NOTO: variants seen among roughly 807,000 people sequenced by gnomAD.
NOTO encodes the protein notochord homeobox.
NOTO carries 19 observed loss-of-function variants against 20.5 expected under a neutral mutation model. That is an observed-to-expected ratio of 0.93 (90% CI 0.65 to 1.36). NOTO has a LOEUF of 1.36. Among genes scored for constraint, NOTO ranks in the 40% most tolerant of loss-of-function variants. The pLI, the probability that NOTO is intolerant of heterozygous loss-of-function variation, is 0.00. For missense variants in NOTO, 369 were observed against 336.2 expected, an observed-to-expected ratio of 1.10 and a Z score of -0.76; for synonymous variants, 150 against 150.2, an observed-to-expected ratio of 1.00 and a Z score of 0.01.
At chr2:73,204,976 G>T (rs1204155007) in intron 1 of NOTO, among the ~76,000 whole-genome samples, 7 of 149,374 alleles carry the variant, frequency 4.7e-5, no homozygotes, top group Admixed American at 1.4e-4. Context: ...CGCCTCCCGG[G>T]TTCACGCCAT....
rs1289518841 is a variant in NOTO, at chr2:73,211,745, G to C, written c.*816G>C. 6.6e-6 allele frequency: 1 copy of C among 152,320 alleles called. No homozygotes were observed. Among genetic ancestry groups the C allele is most frequent in the Non-Finnish European group, 1.5e-5 (1 of 68,132 alleles). The allele number at this position is 152,320 out of a possible 1,614,324, so 9.4% of individuals were successfully genotyped here. On this transcript the variant is annotated 3_prime_UTR_variant, in exon 3 of 3. Coordinates refer to ENST00000398468, the MANE Select transcript of NOTO (RefSeq NM_001134462.2). The stretch of plus-strand genomic sequence containing the variant: ...GCCTCCCAAAGTGCTGGGATTACAT[G>C]TGTGAGCCACCACCCGGCCCAACCC...
Position 73,208,392 on chromosome 2 carries a change from C to G in NOTO, c.383-8C>G. 2 of 1,547,602 alleles carry G rather than the reference C, an allele frequency of 1.3e-6. No homozygotes were observed. The highest frequency in any genetic ancestry group is 1.7e-6 in the Non-Finnish European group (2 of 1,143,618). On this transcript the variant is annotated splice_region_variant and splice_polypyrimidine_tract_variant and intron_variant, in intron 1 of 2. Transcript: ENST00000398468. ...GGATAACCTCCCCTGCTGCTGGTTG[C>G]TCTTTAGGGTTGGAGCTGGCTCACT... is the stretch of plus-strand genomic sequence containing the variant.
intron 1 of NOTO, among the ~76,000 whole-genome samples, chr2:73,204,161 C>G (rs1002288778): frequency 6.6e-6 from 1 of 151,140 alleles, no homozygotes; most frequent in African/African-American, 2.4e-5. Flanking sequence ...GCTTGTAATC[C>G]CAGCTACTCA....
intron 2 of NOTO, among the ~76,000 whole-genome samples, chr2:73,210,177 T>C (rs780458633): frequency 1.1e-4 from 16 of 152,244 alleles, no homozygotes; most frequent in Admixed American, 2.6e-4. Context: ...TTCCAGGTCC[T>C]GGGTGATCTG....
At position 73,211,171 on chromosome 2, in the gene NOTO, C is replaced by G. The variant is rs1390376565; in HGVS notation, c.*242C>G. 1 of 474,406 alleles carries G rather than the reference C, an allele frequency of 2.1e-6. No individual in the cohort carries two copies. The highest frequency in any genetic ancestry group is 3.6e-5 in the East Asian group (1 of 27,932). 29.4% of individuals were successfully genotyped at this position (474,406 alleles called of 1,614,324 possible). On this transcript the variant is annotated 3_prime_UTR_variant, in exon 3 of 3. Transcript: ENST00000398468. ...CCTATGGAACTTCCGAGCCTTTTTT[C>G]TTTATCTGTATAATGGGTGCATTCA...
intron 2 of NOTO, among the ~76,000 whole-genome samples, chr2:73,209,674 C>A (rs1308882647): frequency 6.6e-6 from 1 of 152,002 alleles, no homozygotes; most frequent in African/African-American, 2.4e-5. Context: ...CTTAAAATAC[C>A]ATCTATAAGC....
rs1686175079 is a variant in NOTO, at chr2:73,211,176, T to C, written c.*247T>C. ...GGAACTTCCGAGCCTTTTTTCTTTA[T>C]CTGTATAATGGGTGCATTCATAACT... On this transcript the variant is annotated 3_prime_UTR_variant, in exon 3 of 3. Coordinates refer to ENST00000398468, the MANE Select transcript of NOTO (RefSeq NM_001134462.2). 3 of 466,286 alleles carry C rather than the reference T, an allele frequency of 6.4e-6. No homozygotes were observed. In the East Asian group the frequency reaches 1.1e-4, roughly 17 times the overall value. The allele number at this position is 466,286 out of a possible 1,614,324, so 28.9% of individuals were successfully genotyped here. A position where few individuals can be genotyped will look rare whatever the true frequency, so the allele number is the denominator to read the frequency against.
At chr2:73,203,095 G>T in intron 1 of NOTO, 47 bp downstream of exon 1, 1 of 1,363,152 alleles carries the variant, frequency 7.3e-7, no homozygotes. Flanking sequence ...GCGGGGGCTG[G>T]AGAGCCTAGG....
At chr2:73,205,403 T>C (rs551739245) in intron 1 of NOTO, among the ~76,000 whole-genome samples, 1 of 151,794 alleles carries the variant, frequency 6.6e-6, no homozygotes, top group South Asian at 2.1e-4. Flanking sequence ...GGGGCTGAAG[T>C]GGGAGGATTG....
At chr2:73,206,294 C>T (rs771212718) in intron 1 of NOTO, among the ~76,000 whole-genome samples, 2 of 152,114 alleles carry the variant, frequency 1.3e-5, no homozygotes, top group Non-Finnish European at 2.9e-5. Context: ...TTGCTCTGTG[C>T]CTGGCACAGT....
intron 1 of NOTO, 24 bp from the exon 2 acceptor site, chr2:73,208,376 C>A (rs981687504): frequency 6.6e-7 from 1 of 1,519,758 alleles, no homozygotes. Flanking sequence ...TGGATAACCT[C>A]CCCTGCTGCT....
intron 1 of NOTO, among the ~76,000 whole-genome samples, chr2:73,204,728 G>A (rs1056671735): frequency 6.6e-6 from 1 of 151,910 alleles, no homozygotes; most frequent in African/African-American, 2.4e-5. Flanking sequence ...GTTTTGAGAC[G>A]GAGTCTCACT....
intron 2 of NOTO, among the ~76,000 whole-genome samples, chr2:73,209,216 A>G (rs566512010): frequency 6.6e-6 from 1 of 151,864 alleles, no homozygotes; most frequent in African/African-American, 2.4e-5. Flanking sequence ...AAAATTAAGT[A>G]GATATTAAAG....
At chr2:73,206,065 C>A (rs998352947) in intron 1 of NOTO, among the ~76,000 whole-genome samples, 1 of 152,004 alleles carries the variant, frequency 6.6e-6, no homozygotes, top group African/African-American at 2.4e-5. Context: ...TTGGAAAGAA[C>A]TTCCTCACTG....
At chr2:73,210,625 T>G (rs908382709) in intron 2 of NOTO, 146 bp from the exon 3 acceptor site, 45 of 627,538 alleles carry the variant, frequency 7.2e-5, no homozygotes, top group Non-Finnish European at 1.1e-4. Context: ...TGTCTGGAAT[T>G]GTAGAAAGGG....
intron 1 of NOTO, among the ~76,000 whole-genome samples, chr2:73,204,716 T>C (rs1485241068): frequency 6.6e-6 from 1 of 152,058 alleles, no homozygotes; most frequent in African/African-American, 2.4e-5. Flanking sequence ...CTGTTTTGTT[T>C]TGTTTTGAGA....
intron 1 of NOTO, among the ~76,000 whole-genome samples, chr2:73,208,003 TATA>T (rs926852256): frequency 2.0e-5 from 3 of 152,182 alleles, no homozygotes; most frequent in Non-Finnish European, 2.9e-5. Flanking sequence ...ATTCAAAAAG[TATA>T]ATATTTGTTC....
At chr2:73,209,105 G>A (rs2103695840) in intron 2 of NOTO, among the ~76,000 whole-genome samples, 1 of 150,304 alleles carries the variant, frequency 6.7e-6, no homozygotes, top group Non-Finnish European at 1.5e-5. Context: ...AGCCTGGGAG[G>A]CAGAGGTTGC....
rs1227666499 is a variant in NOTO at position 73,210,828 on chromosome 2, G to A, written c.655G>A (p.Ala219Thr). Residue 219 changes from alanine (A) to threonine (T), a missense_variant, in exon 3 of 3, where the codon GCA becomes ACA. Ala to Thr is a moderately conservative substitution (Grantham distance 58, BLOSUM62 0). Coordinates refer to ENST00000398468, the MANE Select transcript of NOTO (RefSeq NM_001134462.2). The part of the protein sequence containing the change: ...VKYQKQQKLR[A>T]AVTSAEAASL... Reference sequence around the variant, plus strand: ...GTATCAGAAGCAGCAAAAGCTGAGGGCAGCAGTTACATCTGCCGAGGCTGC... The same window carrying A: ...GTATCAGAAGCAGCAAAAGCTGAGGACAGCAGTTACATCTGCCGAGGCTGC... The A allele has an allele frequency of 1.9e-6, 3 of 1,551,600 alleles. No individual in the cohort carries two copies. Among genetic ancestry groups the A allele is most frequent in the Admixed American group, 3.9e-5 (2 of 51,006 alleles).
Sources: gnomAD v4.1 joint callset for allele counts (sites outside exome capture counted in the v4.1 genomes callset) on GRCh38, gnomAD v4.1.1 for gene constraint, MANE v1.5 for transcripts, NCBI Gene and HGNC (gene_info 2026-07-23, HGNC 2026-07-21) for gene names.